ZFYVE27: variants seen among roughly 807,000 people sequenced by gnomAD.
The protein encoded by ZFYVE27 is zinc finger FYVE-type containing 27, also known as protrudin.
In ZFYVE27, 36 loss-of-function variants were observed where a neutral mutation model predicts 52.8. The observed-to-expected ratio is 0.68, with a 90% CI of 0.52 to 0.90. The LOEUF (loss-of-function observed/expected upper bound fraction) is 0.90. ZFYVE27 is among the 40% of genes least tolerant of loss of function. ZFYVE27 has a pLI of 0.00. For missense variants in ZFYVE27, 450 were observed against 527.2 expected (o/e 0.85, Z 1.43); for synonymous variants, 223 against 215.6 (o/e 1.03, Z -0.30).
In ZFYVE27 at chr10:97,753,072, A is replaced by T; in HGVS notation, c.932A>T (p.Asp311Val). ...DDEGAPCPAE[D>V]ELALQDNGFL... Reference sequence around the variant, plus strand: ...GAGGGCGCCCCGTGCCCAGCAGAGGATGAGCTGGCCCTGCAGGACAACGGG... The same window carrying T: ...GAGGGCGCCCCGTGCCCAGCAGAGGTTGAGCTGGCCCTGCAGGACAACGGG... Residue 311 changes from aspartate (D) to valine (V), a missense_variant, in exon 10 of 13, where the codon GAT becomes GTT. Asp to Val is a radical substitution (Grantham distance 152). Coordinates refer to ENST00000684270, the MANE Select transcript of ZFYVE27 (RefSeq NM_001385875.1). The T allele has an allele frequency of 6.2e-7, 1 of 1,612,016 alleles. No homozygotes were observed. Among genetic ancestry groups the T allele is most frequent in the Non-Finnish European group, 8.5e-7 (1 of 1,179,276 alleles).
chr10:97,746,888 A>G (rs964205527), intron 4 of ZFYVE27, among the ~76,000 whole-genome samples: 1 of 151,826 alleles, frequency 6.6e-6, no homozygotes, highest in African/African-American at 2.4e-5. Context: ...ATAGGGTCTC[A>G]TTGTCTTGCC....
At chr10:97,755,322 T>C (rs1270786065) in intron 10 of ZFYVE27, among the ~76,000 whole-genome samples, 1 of 152,182 alleles carries the variant, frequency 6.6e-6, no homozygotes, top group Non-Finnish European at 1.5e-5. Flanking sequence ...GGGAGCTGCT[T>C]TGGGGGCTTT....
At chr10:97,738,433 G>A in intron 1 of ZFYVE27, 44 bp from the exon 2 acceptor site, 1 of 1,603,950 alleles carries the variant, frequency 6.2e-7, no homozygotes, top group South Asian at 1.1e-5. Flanking sequence ...TTGTGTTGAG[G>A]ACTAGACGTG....
chr10:97,738,746 C>G, intron 2 of ZFYVE27, 72 bp downstream of exon 2: 2 of 1,561,954 alleles, frequency 1.3e-6, no homozygotes, highest in Non-Finnish European at 1.8e-6. Flanking sequence ...CTAACACTGA[C>G]CATTTAGGCA....
In ZFYVE27 at chr10:97,760,235, C is replaced by A. The variant is rs1159853220; in HGVS notation, c.*935C>A. On this transcript the variant is annotated 3_prime_UTR_variant, in exon 13 of 13. Transcript: ENST00000684270. ...TCCTGAAGCCCTTGACCCCTGGGGG[C>A]CTGGGTAGTGTAGGATCTCGCTGGG... is the stretch of plus-strand genomic sequence containing the variant. 7 of 152,268 alleles carry A rather than the reference C, an allele frequency of 4.6e-5. No homozygotes were observed. Among genetic ancestry groups the A allele is most frequent in the African/African-American group, 1.7e-4 (7 of 41,438 alleles). 9.4% of individuals were successfully genotyped at this position (152,268 alleles called of 1,614,324 possible).
chr10:97,740,546 T>C (rs2043343631), intron 2 of ZFYVE27, among the ~76,000 whole-genome samples: 1 of 152,232 alleles, frequency 6.6e-6, no homozygotes, highest in Admixed American at 6.5e-5. Flanking sequence ...CTCCTTTTCC[T>C]CTACTAGTCC....
chr10:97,743,258 T>C (rs879046327), intron 3 of ZFYVE27, 94 bp downstream of exon 3: 2 of 1,416,980 alleles, frequency 1.4e-6, no homozygotes, highest in Non-Finnish European at 1.0e-6. Context: ...GGAGCTGCTC[T>C]TGTTGCCCTG....
intron 10 of ZFYVE27, among the ~76,000 whole-genome samples, chr10:97,753,738 G>A (rs533252516): frequency 6.6e-6 from 1 of 152,270 alleles, no homozygotes; most frequent in East Asian, 1.9e-4. Context: ...TAGTGGGTGC[G>A]GTTAATGTGG....
chr10:97,739,055 TAAAG>T (rs745438442), intron 2 of ZFYVE27, among the ~76,000 whole-genome samples: 22 of 152,054 alleles, frequency 1.4e-4, no homozygotes, highest in African/African-American at 5.3e-4. Flanking sequence ...GAACAAAAAT[TAAAG>T]AAATACAAAA....
chr10:97,739,514 T>C (rs932335386), intron 2 of ZFYVE27, among the ~76,000 whole-genome samples: 3 of 152,198 alleles, frequency 2.0e-5, no homozygotes, highest in Non-Finnish European at 4.4e-5. Flanking sequence ...GGCATTCTAC[T>C]CCCTAAATAT....
At chr10:97,748,041 A>G (rs1164107062) in intron 4 of ZFYVE27, among the ~76,000 whole-genome samples, 1 of 152,232 alleles carries the variant, frequency 6.6e-6, no homozygotes, top group Non-Finnish European at 1.5e-5. Flanking sequence ...AGGAACATTT[A>G]TACTGTTTCC....
At chr10:97,743,212 G>A (rs755071226) in intron 3 of ZFYVE27, 48 bp downstream of exon 3, 11 of 1,603,226 alleles carry the variant, frequency 6.9e-6, no homozygotes, top group Non-Finnish European at 9.4e-6. Flanking sequence ...CGAATGTGGG[G>A]GAAGAACACC....
intron 7 of ZFYVE27, 133 bp downstream of exon 7, chr10:97,750,603 T>C (rs534297768): frequency 9.2e-5 from 109 of 1,182,668 alleles, no homozygotes; most frequent in Non-Finnish European, 1.2e-4. Flanking sequence ...CCCTGAAGTG[T>C]TCAATAATAA....
intron 10 of ZFYVE27, chr10:97,754,648 G>A: frequency 2.3e-6 from 3 of 1,287,302 alleles, no homozygotes; most frequent in Non-Finnish European, 3.0e-6. Flanking sequence ...GCTGACTTCT[G>A]CAGGGCATTC....
chr10:97,746,051 A>ATATATATATATATAT (rs2045313432), intron 4 of ZFYVE27, among the ~76,000 whole-genome samples: 1 of 64,170 alleles, frequency 1.6e-5, no homozygotes, highest in Non-Finnish European at 3.7e-5. Context: ...ATATATATAT[A>ATATATATATATATAT]TTTTTTTTTT....
Position 97,745,012 on chromosome 10 carries a change from C to T in ZFYVE27, c.455+97C>T. 3 of 1,379,382 alleles carry T rather than the reference C, an allele frequency of 2.2e-6. 1 individual carries two copies. In the East Asian group the frequency reaches 7.5e-5, roughly 35 times the overall value. 85.4% of individuals were successfully genotyped at this position (1,379,382 alleles called of 1,614,324 possible). ...TGTGCTCGACATCATATTAGGCAAA[C>T]CACAGCTGTTACTTCATTTAACCTT... On this transcript the variant is annotated intron_variant, in intron 4 of 12. Coordinates refer to ENST00000684270, the MANE Select transcript of ZFYVE27 (RefSeq NM_001385875.1).
intron 5 of ZFYVE27, 32 bp downstream of exon 5, chr10:97,748,396 TA>T: frequency 6.2e-7 from 1 of 1,605,692 alleles, no homozygotes; most frequent in Non-Finnish European, 8.5e-7. Flanking sequence ...GCCACCACCC[TA>T]TAGGAATTTG....
chr10:97,746,668 T>C (rs1045613859), intron 4 of ZFYVE27, among the ~76,000 whole-genome samples: 2 of 151,936 alleles, frequency 1.3e-5, no homozygotes, highest in Non-Finnish European at 2.9e-5. Flanking sequence ...TCTTCTTTTA[T>C]TAATTTTTTT....
intron 12 of ZFYVE27, among the ~76,000 whole-genome samples, chr10:97,758,999 G>A (rs902883883): frequency 4.6e-5 from 7 of 152,118 alleles, no homozygotes; most frequent in Non-Finnish European, 8.8e-5. Context: ...TTCTGTTGGT[G>A]CCACAATAAT....
Sources: allele counts gnomAD v4.1 joint callset (sites outside exome capture counted in the v4.1 genomes callset), GRCh38; gene constraint gnomAD v4.1.1; transcripts MANE v1.5; gene names NCBI Gene and HGNC (gene_info 2026-07-23, HGNC 2026-07-21).